ZNF714: variants seen among roughly 807,000 people sequenced by gnomAD.
ZNF714 encodes the protein zinc finger protein 714.
ZNF714 carries 32 observed loss-of-function variants against 46.2 expected under a neutral mutation model. That is an observed-to-expected ratio of 0.69 (90% CI 0.52 to 0.93). The LOEUF is 0.93. Among genes scored for constraint, ZNF714 ranks in the 40% least tolerant of loss-of-function variants. ZNF714 has a pLI of 0.00. For missense variants in ZNF714, 635 were observed against 646.3 expected, an observed-to-expected ratio of 0.98 and a Z score of 0.19; for synonymous variants, 199 against 213.1, an observed-to-expected ratio of 0.93 and a Z score of 0.58.
Position 21,116,819 on chromosome 19 carries a change from CT to C in ZNF714, c.159del (p.Phe53LeufsTer11). ...MVDESPAMCSSFTRDLWPEQD... is the reference protein window; with the variant it reads ...MVDESPAMCSXFTRDLWPEQD... ...GTATTTCTTTCAGCTATGTGTTCTT[CT>C]TTTACCAGAGACCTTTGGCCAGAGC... is the stretch of plus-strand genomic sequence containing the variant. On this transcript the variant is annotated frameshift_variant, in exon 5 of 5. Coordinates refer to ENST00000456283, the MANE Select transcript of ZNF714 (RefSeq NM_182515.4). LOFTEE classifies it high-confidence loss of function. 6.3e-7 allele frequency: 1 copy of C among 1,592,266 alleles called. No homozygotes were observed.
rs1969715464 is a variant in ZNF714, at chr19:21,122,218, C to G, written c.*3886C>G. ...TACAGTTCTTACTGTGTAATCGATG[C>G]TCCATAATAATTCACAAATATTCCT... On this transcript the variant is annotated 3_prime_UTR_variant, in exon 5 of 5. Transcript: ENST00000456283. 6.6e-6 allele frequency: 1 copy of G among 152,120 alleles called. No individual in the cohort carries two copies. Among genetic ancestry groups the G allele is most frequent in the South Asian group, 2.1e-4 (1 of 4,824 alleles). 9.4% of individuals were successfully genotyped at this position (152,120 alleles called of 1,614,324 possible).
Position 21,117,390 on chromosome 19 carries a change from A to G in ZNF714, c.726A>G (p.Ser242=). 1.9e-6 allele frequency: 3 copies of G among 1,613,444 alleles called. No individual in the cohort carries two copies. The highest frequency in any genetic ancestry group is 2.5e-6 in the Non-Finnish European group (3 of 1,179,694). ...GTGGCAAAGCCTTCTACCATTCTTC[A>G]CACCTTACTACACATAAGGTAATTC... is the stretch of plus-strand genomic sequence containing the variant. The part of the protein sequence containing the change: ...EECGKAFYHS[S]HLTTHKVIHT... Residue 242 remains serine (S), a synonymous_variant, in exon 5 of 5, where the codon TCA becomes TCG. Coordinates refer to ENST00000456283, the MANE Select transcript of ZNF714 (RefSeq NM_182515.4).
In ZNF714 at chr19:21,117,926, G is replaced by A. The variant is rs1363546761; in HGVS notation, c.1262G>A (p.Gly421Glu). The A allele has an allele frequency of 1.2e-6, 2 of 1,612,930 alleles. No individual in the cohort carries two copies. Among genetic ancestry groups the A allele is most frequent in the Non-Finnish European group, 1.7e-6 (2 of 1,179,808 alleles). ...NLTKHKIIHTGEKLYKCEECG... is the reference protein window; with the variant it reads ...NLTKHKIIHTEEKLYKCEECG... ...ACCAAACATAAGATAATTCATACTG[G>A]AGAGAAACTCTACAAATGTGAAGAA... is the stretch of plus-strand genomic sequence containing the variant. Residue 421 changes from glycine to glutamate, a missense_variant, in exon 5 of 5, where the codon GGA becomes GAA. Physicochemically the swap from Gly to Glu is moderately conservative, Grantham distance 98. Coordinates refer to ENST00000456283, the MANE Select transcript of ZNF714 (RefSeq NM_182515.4).
intron 4 of ZNF714, among the ~76,000 whole-genome samples, chr19:21,114,126 A>G (rs1255267868): frequency 6.6e-6 from 1 of 151,910 alleles, no homozygotes; most frequent in Non-Finnish European, 1.5e-5. Context: ...TTGTTGGTTT[A>G]AAGTTTGTTT....
intron 2 of ZNF714, among the ~76,000 whole-genome samples, chr19:21,090,588 C>T (rs1968886047): frequency 1.3e-5 from 2 of 152,108 alleles, no homozygotes. Context: ...AGTTGGTGCA[C>T]ACAGATGATT....
At position 21,107,284 on chromosome 19, in the gene ZNF714, G is replaced by A. The variant is rs559844656; in HGVS notation, c.142+8374G>A. 9.3e-5 allele frequency among the ~76,000 whole-genome samples: 14 copies of A among 151,188 alleles called. No homozygotes were observed. In the East Asian group the frequency reaches 2.4e-3, roughly 26 times the overall value. On this transcript the variant is annotated intron_variant, in intron 4 of 4. Coordinates refer to ENST00000456283, the MANE Select transcript of ZNF714 (RefSeq NM_182515.4). ...GACGGAATTTCGCTCTTGTTGCCCAGGCTGGAGTACAATGGCGCAATCTTG... is the reference window on the plus strand; with the variant it reads ...GACGGAATTTCGCTCTTGTTGCCCAAGCTGGAGTACAATGGCGCAATCTTG...
At chr19:21,103,326 G>T (rs7257481) in intron 4 of ZNF714, among the ~76,000 whole-genome samples, 104,058 of 151,910 alleles carry the variant, frequency 0.68, 39,871 homozygotes, top group East Asian at 0.87. Flanking sequence ...GCTGAGGCAG[G>T]CAGCTCACTT....
intron 2 of ZNF714, among the ~76,000 whole-genome samples, chr19:21,093,302 A>G (rs1968962421): frequency 6.7e-6 from 1 of 149,546 alleles, no homozygotes; most frequent in Non-Finnish European, 1.5e-5. Context: ...GCGCCACCTC[A>G]GCTCACCACA....
intron 4 of ZNF714, among the ~76,000 whole-genome samples, chr19:21,099,650 G>T (rs1003169141): frequency 2.6e-5 from 4 of 151,872 alleles, no homozygotes; most frequent in Admixed American, 2.6e-4. Context: ...AAATTATGAT[G>T]TCCTGTCCCT....
At chr19:21,104,079 A>G (rs554513662) in intron 4 of ZNF714, among the ~76,000 whole-genome samples, 32 of 152,150 alleles carry the variant, frequency 2.1e-4, no homozygotes, top group Admixed American at 2.1e-3. Context: ...TGACTGCTTA[A>G]GATATCTCAT....
intron 4 of ZNF714, among the ~76,000 whole-genome samples, chr19:21,104,831 T>C (rs1599544361): frequency 6.6e-6 from 1 of 151,750 alleles, no homozygotes; most frequent in Admixed American, 6.6e-5. Context: ...GCCAGGCTGG[T>C]CTTGAACTCC....
Position 21,117,641 on chromosome 19 carries a change from C to CA in ZNF714, c.979dup (p.Thr327AsnfsTer6). On this transcript the variant is annotated frameshift_variant, in exon 5 of 5. Transcript: ENST00000456283. LOFTEE classifies it high-confidence loss of function. ...TGTGGCAAAGGCTTTAACTGGTCTT[C>CA]AACCCTTACAAAACATAAAAGAATT... is the stretch of plus-strand genomic sequence containing the variant. 6.2e-7 allele frequency: 1 copy of CA among 1,613,474 alleles called. No individual in the cohort carries two copies. The highest frequency in any genetic ancestry group is 8.5e-7 in the Non-Finnish European group (1 of 1,179,732).
At chr19:21,114,020 T>C (rs1265753044) in intron 4 of ZNF714, among the ~76,000 whole-genome samples, 1 of 152,220 alleles carries the variant, frequency 6.6e-6, no homozygotes, top group Non-Finnish European at 1.5e-5. Flanking sequence ...TCTAAGTCTC[T>C]TTATAGTTCT....
At chr19:21,103,315 G>T (rs1444907537) in intron 4 of ZNF714, among the ~76,000 whole-genome samples, 1 of 152,012 alleles carries the variant, frequency 6.6e-6, no homozygotes, top group Non-Finnish European at 1.5e-5. Flanking sequence ...GCACTTTGGA[G>T]GCTGAGGCAG....
At chr19:21,115,269 G>A (rs954453049) in intron 4 of ZNF714, among the ~76,000 whole-genome samples, 2 of 150,844 alleles carry the variant, frequency 1.3e-5, no homozygotes, top group Non-Finnish European at 3.0e-5. Flanking sequence ...TCAAATTTTA[G>A]AGAATAATTA....
In ZNF714 at chr19:21,118,025, A is replaced by C. The variant is rs779539422; in HGVS notation, c.1361A>C (p.Lys454Thr). The C allele has an allele frequency of 6.2e-7, 1 of 1,613,890 alleles. No individual in the cohort carries two copies. Among genetic ancestry groups the C allele is most frequent in the Non-Finnish European group, 8.5e-7 (1 of 1,180,008 alleles). Residue 454 changes from lysine (K) to threonine (T), a missense_variant, in exon 5 of 5, where the codon AAA becomes ACA. By Grantham distance (78) the Lys-to-Thr change is moderately conservative (BLOSUM62 -1). Transcript: ENST00000456283. ...KRIHTGEKPY[K>T]CEECGKAFNR... ...ATTCACACTGGAGAGAAACCCTACA[A>C]ATGTGAAGAATGTGGCAAAGCTTTC...
chr19:21,095,617 G>A (rs113964159), intron 2 of ZNF714, among the ~76,000 whole-genome samples: 6,944 of 151,550 alleles, frequency 0.046, 547 homozygotes, highest in African/African-American at 0.16. Flanking sequence ...CGCCCGCCAC[G>A]ACACCCAGCT....
rs1201747302 is a variant in ZNF714, at chr19:21,116,970, T to C, written c.306T>C (p.Tyr102=). ...AGTGTAAGGTGTACAAAAAAGGTTATAATGAACTAAACCAGTGTTTGACAA... is the reference window on the plus strand; with the variant it reads ...AGTGTAAGGTGTACAAAAAAGGTTACAATGAACTAAACCAGTGTTTGACAA... ...VVECKVYKKG[Y]NELNQCLTTT... The change falls in exon 5 of 5, where the codon TAT becomes TAC. Residue 102 remains tyrosine, a synonymous_variant. Transcript: ENST00000456283. 3.0e-6 allele frequency: 4 copies of C among 1,336,434 alleles called. No homozygotes were observed. In the South Asian group the frequency reaches 4.3e-5, roughly 14 times the overall value. 82.8% of individuals were successfully genotyped at this position (1,336,434 alleles called of 1,614,324 possible). A position where few individuals can be genotyped will look rare whatever the true frequency, so the allele number is the denominator to read the frequency against.
rs564545676 is a variant in ZNF714 at position 21,122,611 on chromosome 19, A to T, written c.*4279A>T. 4.4e-4 allele frequency: 67 copies of T among 152,228 alleles called. No homozygotes were observed. Among genetic ancestry groups the T allele is most frequent in the African/African-American group, 1.6e-3 (65 of 41,536 alleles). The allele number at this position is 152,228 out of a possible 1,614,324, so 9.4% of individuals were successfully genotyped here. On this transcript the variant is annotated 3_prime_UTR_variant, in exon 5 of 5. Coordinates refer to ENST00000456283, the MANE Select transcript of ZNF714 (RefSeq NM_182515.4). ...GTGACAGAATGAGACTCATAAAAAA[A>T]AAAATAAATTCTGCTTCTTTTATTT...
Sources: gnomAD v4.1 joint callset for allele counts (sites outside exome capture counted in the v4.1 genomes callset) on GRCh38, gnomAD v4.1.1 for gene constraint, MANE v1.5 for transcripts, NCBI Gene and HGNC (gene_info 2026-07-23, HGNC 2026-07-21) for gene names.